The following CRYBG1 variants were observed in gnomAD, a reference collection of about 807,000 sequenced individuals.
CRYBG1 encodes crystallin beta-gamma domain containing 1.
Under a neutral mutation model 189.2 loss-of-function variants are expected in CRYBG1, and 139 were observed. The ratio of observed to expected loss-of-function variants is 0.73; its 90% confidence interval spans 0.64 to 0.85. The LOEUF (loss-of-function observed/expected upper bound fraction) is 0.85. Among genes scored for constraint, CRYBG1 ranks in the 40% least tolerant of loss-of-function variants. The pLI is 0.00. For missense variants in CRYBG1, 2,611 were observed against 2,675.8 expected, an observed-to-expected ratio of 0.98 and a Z score of 0.53; for synonymous variants, 1,023 against 1,017.1, an observed-to-expected ratio of 1.01 and a Z score of -0.11.
chr6:106,392,031 G>A (rs564176600), intron 1 of CRYBG1, among the ~76,000 whole-genome samples: 4 of 152,034 alleles, frequency 2.6e-5, no homozygotes, highest in Admixed American at 2.0e-4. Flanking sequence ...TCAGGAAAAC[G>A]TGAGCAGCTG....
chr6:106,547,691 G>A (rs1774297320), intron 13 of CRYBG1, among the ~76,000 whole-genome samples: 2 of 152,146 alleles, frequency 1.3e-5, no homozygotes, highest in African/African-American at 4.8e-5. Flanking sequence ...CTCTTCTGAA[G>A]TTCTTGTTCC....
In CRYBG1 at chr6:106,521,339, T is replaced by C. The variant is rs1773607489; in HGVS notation, c.4131T>C (p.Ile1377=). The part of the protein sequence containing the change: ...MEKANHIESV[I]KSNLPNCANS... ...AGGCTAATCATATTGAAAGTGTTAT[T>C]AAATCAAACTTGCCAAACTGTGCAA... The change falls in exon 4 of 22, where the codon ATT becomes ATC. Residue 1377 remains isoleucine (I), a synonymous_variant. Coordinates refer to ENST00000633556, the MANE Select transcript of CRYBG1 (RefSeq NM_001371242.2). 1 of 1,614,168 alleles carries C rather than the reference T, an allele frequency of 6.2e-7. No individual in the cohort carries two copies. Among genetic ancestry groups the C allele is most frequent in the Non-Finnish European group, 8.5e-7 (1 of 1,180,026 alleles).
intron 2 of CRYBG1, among the ~76,000 whole-genome samples, chr6:106,473,574 A>T (rs1001000360): frequency 6.6e-6 from 1 of 152,192 alleles, no homozygotes; most frequent in Non-Finnish European, 1.5e-5. Context: ...AAGACAGGAG[A>T]CAACAGGGGG....
intron 21 of CRYBG1, among the ~76,000 whole-genome samples, chr6:106,566,733 G>A (rs532285896): frequency 1.3e-5 from 2 of 152,034 alleles, no homozygotes; most frequent in Non-Finnish European, 1.5e-5. Flanking sequence ...AGCGCCGCAC[G>A]TCCCACACCC....
chr6:106,570,560 T>G lies in CRYBG1; in HGVS notation c.*1994T>G, dbSNP rs939390163. ...ATTAGGATGAAGCAGGTTTGAGGGGTGCTGGTATAATAGCAAGAAAGATTT... is the reference window on the plus strand; with the variant it reads ...ATTAGGATGAAGCAGGTTTGAGGGGGGCTGGTATAATAGCAAGAAAGATTT... On this transcript the variant is annotated 3_prime_UTR_variant, in exon 22 of 22. Coordinates refer to ENST00000633556, the MANE Select transcript of CRYBG1 (RefSeq NM_001371242.2). The G allele has an allele frequency of 1.3e-5, 2 of 152,100 alleles. No homozygotes were observed. Among genetic ancestry groups the G allele is most frequent in the African/African-American group, 4.8e-5 (2 of 41,388 alleles). The allele number at this position is 152,100 out of a possible 1,614,324, so 9.4% of individuals were successfully genotyped here. A position where few individuals can be genotyped will look rare whatever the true frequency, so the allele number is the denominator to read the frequency against.
chr6:106,495,284 AAGG>A (rs1044916031), intron 2 of CRYBG1, among the ~76,000 whole-genome samples: 74 of 152,146 alleles, frequency 4.9e-4, no homozygotes, highest in African/African-American at 1.8e-3. Flanking sequence ...GGTATGCTGG[AAGG>A]AGGAGGATGA....
intron 1 of CRYBG1, among the ~76,000 whole-genome samples, chr6:106,393,215 C>T (rs988341620): frequency 1.3e-5 from 2 of 152,268 alleles, no homozygotes; most frequent in African/African-American, 4.8e-5. Flanking sequence ...TGAGATGGAA[C>T]ATGGAGGAGC....
At chr6:106,554,992 C>T (rs1227598191) in intron 16 of CRYBG1, among the ~76,000 whole-genome samples, 1 of 151,974 alleles carries the variant, frequency 6.6e-6, no homozygotes, top group Non-Finnish European at 1.5e-5. Context: ...TGGTGAAACC[C>T]CGTCTCTACT....
chr6:106,480,390 C>T lies in CRYBG1; in HGVS notation c.312+28558C>T, dbSNP rs9386554. Among the ~76,000 whole-genome samples the T allele has an allele frequency of 1.7e-3, 255 of 151,840 alleles. 4 individuals are homozygous for T. The East Asian group carries it at 0.028, about 17-fold the overall frequency. ...ATATTAAAAGAAATTGTGGGCCGGG[C>T]GCGGTGGCTCACACCTGTAATCCCA... On this transcript the variant is annotated intron_variant, in intron 2 of 21. Coordinates refer to ENST00000633556, the MANE Select transcript of CRYBG1 (RefSeq NM_001371242.2).
chr6:106,567,898 A>G (rs547683731), intron 21 of CRYBG1, among the ~76,000 whole-genome samples: 1 of 151,986 alleles, frequency 6.6e-6, no homozygotes, highest in East Asian at 1.9e-4. Flanking sequence ...CCACCAACTG[A>G]GTCCCCAGTA....
intron 2 of CRYBG1, among the ~76,000 whole-genome samples, chr6:106,510,061 C>G (rs912055398): frequency 2.0e-5 from 3 of 152,200 alleles, no homozygotes. Context: ...TGGGGAACCT[C>G]CCCGTAGTCG....
At chr6:106,522,137 T>G (rs1339839165) in intron 4 of CRYBG1, among the ~76,000 whole-genome samples, 2 of 152,240 alleles carry the variant, frequency 1.3e-5, no homozygotes, top group Admixed American at 6.5e-5. Context: ...TTCTTACCTA[T>G]TCTATGTAAA....
intron 2 of CRYBG1, among the ~76,000 whole-genome samples, chr6:106,494,039 C>G (rs965381075): frequency 6.6e-6 from 1 of 152,126 alleles, no homozygotes; most frequent in African/African-American, 2.4e-5. Context: ...GAATGAAGTA[C>G]TGATAAATAT....
intron 2 of CRYBG1, among the ~76,000 whole-genome samples, chr6:106,491,178 A>G (rs1772714627): frequency 6.6e-6 from 1 of 152,222 alleles, no homozygotes; most frequent in Non-Finnish European, 1.5e-5. Flanking sequence ...GCGTATGCTT[A>G]TTAATGAAGG....
Position 106,433,332 on chromosome 6 carries a change from A to T in CRYBG1, c.174-18362A>T, listed in dbSNP as rs565893818. On this transcript the variant is annotated intron_variant, in intron 1 of 21. Transcript: ENST00000633556. The stretch of plus-strand genomic sequence containing the variant: ...CATACTGTGCACCTCTTCTGGTCAA[A>T]CTGGAGGAGAAAGGAGACTAGAAGC... Among the ~76,000 whole-genome samples the T allele has an allele frequency of 4.3e-4, 65 of 152,288 alleles. 2 individuals are homozygous for T. In the South Asian group the frequency reaches 0.013, roughly 32 times the overall value.
At chr6:106,426,019 C>A (rs1000526696) in intron 1 of CRYBG1, among the ~76,000 whole-genome samples, 2 of 152,180 alleles carry the variant, frequency 1.3e-5, no homozygotes, top group Non-Finnish European at 2.9e-5. Context: ...TTCCTTACAT[C>A]TTTTATTCTC....
chr6:106,483,355 A>ATT (rs1562082617), intron 2 of CRYBG1, among the ~76,000 whole-genome samples: 3 of 121,846 alleles, frequency 2.5e-5, no homozygotes, highest in South Asian at 2.8e-4. Context: ...ATAGTATTCC[A>ATT]TTGTGTGTGT....
chr6:106,461,520 G>A (rs908922245), intron 2 of CRYBG1, among the ~76,000 whole-genome samples: 4 of 152,144 alleles, frequency 2.6e-5, no homozygotes, highest in Non-Finnish European at 5.9e-5. Context: ...ATTTTGACTG[G>A]AGAGATGAAA....
At chr6:106,430,877 T>A (rs1280412597) in intron 1 of CRYBG1, among the ~76,000 whole-genome samples, 1 of 151,990 alleles carries the variant, frequency 6.6e-6, no homozygotes, top group Non-Finnish European at 1.5e-5. Flanking sequence ...TTGTTTTTGT[T>A]TAGAGATGGA....
Sources: allele counts gnomAD v4.1 joint callset (sites outside exome capture counted in the v4.1 genomes callset), GRCh38; gene constraint gnomAD v4.1.1; transcripts MANE v1.5; gene names NCBI Gene and HGNC (gene_info 2026-07-23, HGNC 2026-07-21).